R3HDM1: variants seen among roughly 807,000 people sequenced by gnomAD.
R3HDM1 encodes R3H domain containing 1, also known as R3H domain-containing protein 1.
Under a neutral mutation model 141.1 loss-of-function variants are expected in R3HDM1, and 46 were observed. That is an observed-to-expected ratio of 0.33 (90% confidence interval 0.26 to 0.42). R3HDM1 has a LOEUF of 0.42. Among genes scored for constraint, R3HDM1 ranks in the 10% least tolerant of loss-of-function variants. The pLI is 1.00. For missense variants in R3HDM1, 1,184 were observed against 1,368.3 expected, an observed-to-expected ratio of 0.87 and a Z score of 2.12; for synonymous variants, 435 against 472.9, an observed-to-expected ratio of 0.92 and a Z score of 1.04.
chr2:135,694,214 T>G (rs1442093123), intron 21 of R3HDM1, among the ~76,000 whole-genome samples: 1 of 152,232 alleles, frequency 6.6e-6, no homozygotes, highest in Admixed American at 6.5e-5. Flanking sequence ...ACTTGCTGTT[T>G]TAGATATTTC....
intron 19 of R3HDM1, among the ~76,000 whole-genome samples, chr2:135,671,796 T>G (rs62168795): frequency 6.6e-6 from 1 of 151,424 alleles, no homozygotes; most frequent in Non-Finnish European, 1.5e-5. Context: ...GCCAACATGG[T>G]GAAACCCTGT....
At chr2:135,601,866 T>C (rs1440539821) in intron 1 of R3HDM1, among the ~76,000 whole-genome samples, 2 of 152,102 alleles carry the variant, frequency 1.3e-5, no homozygotes, top group Non-Finnish European at 2.9e-5. Flanking sequence ...CTCACTGTGT[T>C]GCCCATGCTA....
intron 20 of R3HDM1, among the ~76,000 whole-genome samples, chr2:135,678,716 T>G (rs1490498370): frequency 6.6e-6 from 1 of 150,846 alleles, no homozygotes; most frequent in Non-Finnish European, 1.5e-5. Flanking sequence ...ATTATTAACG[T>G]CATCATCATC....
At position 135,631,957 on chromosome 2, in the gene R3HDM1, G is replaced by A. The variant is rs1433821220; in HGVS notation, c.654G>A (p.Gln218=). The A allele has an allele frequency of 6.2e-7, 1 of 1,611,990 alleles. No individual in the cohort carries two copies. The highest frequency in any genetic ancestry group is 8.5e-7 in the Non-Finnish European group (1 of 1,178,642). The change falls in exon 9 of 27, where the codon CAG becomes CAA. Residue 218 remains glutamine (Q), a synonymous_variant. Coordinates refer to ENST00000683871, the MANE Select transcript of R3HDM1 (RefSeq NM_001378107.1). ...AYFGLDHNVD[Q]SGKSVIVNKT... ...TTGGATTAGACCACAATGTTGATCA[G>A]AGTGGGAAGTCTGTCATAGTAAACA... is the stretch of plus-strand genomic sequence containing the variant.
intron 20 of R3HDM1, among the ~76,000 whole-genome samples, chr2:135,679,550 A>G (rs1026017102): frequency 6.6e-6 from 1 of 152,184 alleles, no homozygotes; most frequent in Non-Finnish European, 1.5e-5. Context: ...ATTTTTACTT[A>G]GTTCTACCTG....
chr2:135,650,378 A>G, intron 17 of R3HDM1: 1 of 984,800 alleles, frequency 1.0e-6, no homozygotes, highest in Non-Finnish European at 1.2e-6. Flanking sequence ...CTGTAGCTCC[A>G]GTAGACCCAG....
rs2289960 is a variant in R3HDM1, at chr2:135,648,670, T to C, written c.1624-1232T>C. Among the ~76,000 whole-genome samples, 1,615 of 152,144 alleles carry C rather than the reference T, an allele frequency of 0.011. 100 individuals carry two copies. The East Asian group carries it at 0.19, about 18-fold the overall frequency. The stretch of plus-strand genomic sequence containing the variant: ...ATAGTCTTTAAGCCAATATGTATAT[T>C]ACCGTTTTTGTAATAAACAGTATAA... On this transcript the variant is annotated intron_variant, in intron 16 of 26. Coordinates refer to ENST00000683871, the MANE Select transcript of R3HDM1 (RefSeq NM_001378107.1).
intron 20 of R3HDM1, among the ~76,000 whole-genome samples, chr2:135,677,136 T>C (rs1340093048): frequency 6.6e-6 from 1 of 152,222 alleles, no homozygotes; most frequent in Admixed American, 6.5e-5. Flanking sequence ...GGTGCAAGCA[T>C]ATTCCATATA....
At position 135,724,871 on chromosome 2, in the gene R3HDM1, T is replaced by A. The variant is rs971091092; in HGVS notation, c.*579T>A. The A allele has an allele frequency of 1.3e-5, 2 of 152,642 alleles. No homozygotes were observed. The highest frequency in any genetic ancestry group is 6.5e-5 in the Admixed American group (1 of 15,286). The allele number at this position is 152,642 out of a possible 1,614,324, so 9.5% of individuals were successfully genotyped here. A position where few individuals can be genotyped will look rare whatever the true frequency, so the allele number is the denominator to read the frequency against. ...AACTCTTCCTTGTAGGGCCCTTTCC[T>A]TATTCATTTAGGTAGTGTGAACATT... On this transcript the variant is annotated 3_prime_UTR_variant, in exon 27 of 27. Coordinates refer to ENST00000683871, the MANE Select transcript of R3HDM1 (RefSeq NM_001378107.1).
intron 16 of R3HDM1, among the ~76,000 whole-genome samples, chr2:135,646,044 T>G (rs1489973317): frequency 6.6e-6 from 1 of 152,212 alleles, no homozygotes; most frequent in Non-Finnish European, 1.5e-5. Flanking sequence ...ATTTACACAT[T>G]CATTTTCACA....
At chr2:135,622,006 T>C in intron 6 of R3HDM1, 1 of 984,328 alleles carries the variant, frequency 1.0e-6, no homozygotes, top group South Asian at 4.7e-5. Context: ...TGTTTATTTT[T>C]TATAAGTTTG....
chr2:135,555,246 G>A (rs1159026037), intron 1 of R3HDM1, among the ~76,000 whole-genome samples: 3 of 149,280 alleles, frequency 2.0e-5, no homozygotes, highest in Non-Finnish European at 3.0e-5. Flanking sequence ...GTAGTGAGCC[G>A]AGATCGAGCC....
chr2:135,583,904 T>A (rs1163656645), intron 1 of R3HDM1: 1 of 985,462 alleles, frequency 1.0e-6, no homozygotes, highest in African/African-American at 1.7e-5. Context: ...CAGATGGGTA[T>A]TATCTTTTTA....
intron 1 of R3HDM1, among the ~76,000 whole-genome samples, chr2:135,575,706 T>C (rs1705267700): frequency 6.6e-6 from 1 of 152,180 alleles, no homozygotes; most frequent in Non-Finnish European, 1.5e-5. Context: ...GATTAAATAC[T>C]TATTAAACAT....
intron 1 of R3HDM1, among the ~76,000 whole-genome samples, chr2:135,559,807 G>A (rs1313927284): frequency 6.6e-6 from 1 of 152,166 alleles, no homozygotes; most frequent in Non-Finnish European, 1.5e-5. Flanking sequence ...TATGTTTTTG[G>A]AATGTGGAGC....
At chr2:135,565,325 T>A (rs1042331557) in intron 1 of R3HDM1, among the ~76,000 whole-genome samples, 27 of 86,934 alleles carry the variant, frequency 3.1e-4, no homozygotes, top group African/African-American at 2.2e-3. Context: ...GAAAAAAAAT[T>A]ATTATTATTA....
chr2:135,699,016 TAGATAGATAGA>T (rs1355908714), intron 21 of R3HDM1, among the ~76,000 whole-genome samples: 2 of 116,778 alleles, frequency 1.7e-5, no homozygotes, highest in African/African-American at 6.0e-5. Flanking sequence ...GATAGATAGA[TAGATAGATAGA>T]TAGATAGATA....
intron 1 of R3HDM1, among the ~76,000 whole-genome samples, chr2:135,588,879 G>C (rs1456227210): frequency 6.6e-6 from 1 of 152,106 alleles, no homozygotes; most frequent in Non-Finnish European, 1.5e-5. Context: ...TTTTTCAAAT[G>C]TGTTAACAGC....
intron 1 of R3HDM1, among the ~76,000 whole-genome samples, chr2:135,544,539 A>G (rs1408555089): frequency 6.6e-6 from 1 of 152,230 alleles, no homozygotes; most frequent in Non-Finnish European, 1.5e-5. Context: ...GCTAACAAAA[A>G]AAGGTAAAAA....
Sources: gnomAD v4.1 joint callset for allele counts (sites outside exome capture counted in the v4.1 genomes callset) on GRCh38, gnomAD v4.1.1 for gene constraint, MANE v1.5 for transcripts, NCBI Gene and HGNC (gene_info 2026-07-23, HGNC 2026-07-21) for gene names.